The following HDX variants were observed in gnomAD, a reference collection of about 807,000 sequenced individuals.
HDX encodes highly divergent homeobox.
A neutral mutation model predicts 45.2 loss-of-function variants in HDX; 19 were observed. The ratio of observed to expected loss-of-function variants is 0.42; its 90% CI spans 0.29 to 0.62. The LOEUF (loss-of-function observed/expected upper bound fraction) is 0.62. HDX is among the 20% of genes least tolerant of loss of function. The pLI, the probability that HDX is intolerant of heterozygous loss-of-function variation, is 0.20. For missense variants in HDX, 532 were observed against 493.9 expected (o/e 1.08, Z -0.73); for synonymous variants, 188 against 172.8 (o/e 1.09, Z -0.69).
chrX:84,398,035 C>T (rs2038606108), intron 5 of HDX, among the ~76,000 whole-genome samples: 1 of 109,112 alleles, frequency 9.2e-6, no homozygotes, highest in Non-Finnish European at 1.9e-5. Context: ...CTGGTGTGAC[C>T]CACAGAGAGA....
At chrX:84,426,950 A>C (rs914529979) in intron 5 of HDX, among the ~76,000 whole-genome samples, 2 of 110,898 alleles carry the variant, frequency 1.8e-5, no homozygotes, top group African/African-American at 6.5e-5. Flanking sequence ...AAAAATGTTA[A>C]AAATAGAAGC....
chrX:84,392,561 T>C (rs1365338066), intron 5 of HDX, among the ~76,000 whole-genome samples: 1 of 111,182 alleles, frequency 9.0e-6, no homozygotes, highest in East Asian at 2.8e-4. Context: ...TGGGGTGTCT[T>C]TTCATTTTTT....
At chrX:84,338,450 C>T (rs2037014642) in intron 7 of HDX, among the ~76,000 whole-genome samples, 1 of 110,283 alleles carries the variant, frequency 9.1e-6, no homozygotes, top group Non-Finnish European at 1.9e-5. Flanking sequence ...AGTTATCCAT[C>T]CCCACCCACG....
chrX:84,437,765 G>A (rs2039670614), intron 5 of HDX, among the ~76,000 whole-genome samples: 1 of 111,141 alleles, frequency 9.0e-6, no homozygotes, highest in African/African-American at 3.3e-5. Flanking sequence ...GCCCATTGTG[G>A]CTTGTTCCCT....
At chrX:84,424,059 A>G (rs1380672422) in intron 5 of HDX, among the ~76,000 whole-genome samples, 1 of 111,601 alleles carries the variant, frequency 9.0e-6, no homozygotes, top group Non-Finnish European at 1.9e-5. Flanking sequence ...ATGATCTTAT[A>G]TTTGGAATCA....
At position 84,352,992 on chromosome X, in the gene HDX, G is replaced by A. The variant is rs570821698; in HGVS notation, c.1452+8474C>T. 6.3e-4 allele frequency among the ~76,000 whole-genome samples: 70 copies of A among 111,266 alleles called. No individual in the cohort carries two copies. The South Asian group carries it at 0.026, about 41-fold the overall frequency. ...GAGTGAAGAAAAAAAAAGCAGAAAC[G>A]AAGTTTCTATTTATCTTCCACTTCT... On this transcript the variant is annotated intron_variant, in intron 6 of 10. Transcript: ENST00000373177.
In HDX at chrX:84,468,815, G is replaced by T. The variant is rs1173220952; in HGVS notation, c.908C>A (p.Ala303Asp). 8.3e-7 allele frequency: 1 copy of T among 1,211,074 alleles called. No homozygotes were observed. Among genetic ancestry groups the T allele is most frequent in the Admixed American group, 2.2e-5 (1 of 46,002 alleles). ...CLSIAMETGD[A>D]EDEYAREEEL... ...TTCCTCTCTGGCATATTCATCCTCAGCATCTCCAGTCTCCATTGCAATGGA... is the reference window on the plus strand; with the variant it reads ...TTCCTCTCTGGCATATTCATCCTCATCATCTCCAGTCTCCATTGCAATGGA... Residue 303 changes from alanine (A) to aspartate (D), a missense_variant, in exon 4 of 11, where the codon GCT becomes GAT. Physicochemically the swap from Ala to Asp is moderately radical, Grantham distance 126. Coordinates refer to ENST00000373177, the MANE Select transcript of HDX (RefSeq NM_001177479.2).
chrX:84,436,859 T>A (rs1351361206), intron 5 of HDX, among the ~76,000 whole-genome samples: 1 of 110,234 alleles, frequency 9.1e-6, no homozygotes, highest in Admixed American at 9.8e-5. Flanking sequence ...CATGGTGCAG[T>A]TTAAATGCAT....
intron 5 of HDX, among the ~76,000 whole-genome samples, chrX:84,366,225 G>A (rs747003650): frequency 9.0e-4 from 100 of 111,353 alleles, no homozygotes; most frequent in Middle Eastern, 4.6e-3. Flanking sequence ...AGTGAACTCC[G>A]ATTCACAATT....
At chrX:84,454,879 CTTTG>C (rs745329508) in intron 4 of HDX, among the ~76,000 whole-genome samples, 9 of 110,723 alleles carry the variant, frequency 8.1e-5, no homozygotes, top group South Asian at 3.9e-4. Flanking sequence ...CACAGAGAGA[CTTTG>C]TTTGTTTGAC....
chrX:84,398,498 G>A lies in HDX; in HGVS notation c.1306-36886C>T, dbSNP rs781484104. 1.1e-4 allele frequency among the ~76,000 whole-genome samples: 12 copies of A among 111,987 alleles called. No homozygotes were observed. The East Asian group carries it at 3.1e-3, about 29-fold the overall frequency. Reference sequence around the variant, plus strand: ...AAGAAAGGCATTACATAATGGTAAAGGCATCAATTCAAGAAGAAGAACTAA... The same window carrying A: ...AAGAAAGGCATTACATAATGGTAAAAGCATCAATTCAAGAAGAAGAACTAA... On this transcript the variant is annotated intron_variant, in intron 5 of 10. Transcript: ENST00000373177.
At chrX:84,332,536 A>G (rs2036866301) in intron 9 of HDX, among the ~76,000 whole-genome samples, 1 of 110,906 alleles carries the variant, frequency 9.0e-6, no homozygotes, top group African/African-American at 3.3e-5. Flanking sequence ...GAATCCTCTG[A>G]GTCCTGGGCC....
At chrX:84,362,846 G>A (rs957325618) in intron 5 of HDX, among the ~76,000 whole-genome samples, 1 of 111,362 alleles carries the variant, frequency 9.0e-6, no homozygotes, top group African/African-American at 3.3e-5. Context: ...TAATAAAAAG[G>A]GTTACCATAG....
chrX:84,477,252 A>G (rs1026020698), intron 2 of HDX, among the ~76,000 whole-genome samples: 1 of 111,669 alleles, frequency 9.0e-6, no homozygotes, highest in Admixed American at 9.5e-5. Flanking sequence ...TCATTAATGT[A>G]CAATCAGAGC....
At chrX:84,393,379 T>C (rs1195298430) in intron 5 of HDX, among the ~76,000 whole-genome samples, 1 of 111,930 alleles carries the variant, frequency 8.9e-6, no homozygotes, top group Admixed American at 9.5e-5. Flanking sequence ...AAATCCCACT[T>C]GATCATGGTG....
chrX:84,457,406 G>A (rs150623067), intron 4 of HDX, among the ~76,000 whole-genome samples: 143 of 111,539 alleles, frequency 1.3e-3, no homozygotes, highest in African/African-American at 4.6e-3. Flanking sequence ...AACACATATT[G>A]TACTCCATAT....
chrX:84,480,267 A>G (rs2040649012), intron 2 of HDX, among the ~76,000 whole-genome samples: 1 of 111,731 alleles, frequency 9.0e-6, no homozygotes, highest in Admixed American at 9.5e-5. Context: ...GGTATTTTCT[A>G]CACAATCATG....
chrX:84,418,842 C>T (rs2039178974), intron 5 of HDX, among the ~76,000 whole-genome samples: 1 of 110,599 alleles, frequency 9.0e-6, no homozygotes, highest in African/African-American at 3.3e-5. Flanking sequence ...TTTCCAGACC[C>T]TAGGCTGCAC....
chrX:84,486,214 A>G (rs1297201948), intron 2 of HDX, among the ~76,000 whole-genome samples: 1 of 111,254 alleles, frequency 9.0e-6, no homozygotes, highest in African/African-American at 3.3e-5. Flanking sequence ...TACAATGTAC[A>G]TATCTATTTT....
Sources: gnomAD v4.1 joint callset for allele counts (sites outside exome capture counted in the v4.1 genomes callset) on GRCh38, gnomAD v4.1.1 for gene constraint, MANE v1.5 for transcripts, NCBI Gene and HGNC (gene_info 2026-07-23, HGNC 2026-07-21) for gene names.